Variants in SLC44A3 observed in about 807,000 individuals in gnomAD.
SLC44A3 encodes choline transporter-like protein 3.
Under a neutral mutation model 75.4 loss-of-function variants are expected in SLC44A3, and 74 were observed. The observed-to-expected ratio is 0.98, with a 90% CI of 0.81 to 1.19. SLC44A3 has a LOEUF of 1.19. Among genes scored for constraint, SLC44A3 ranks in the 50% most tolerant of loss-of-function variants. The pLI is 0.00. For missense variants in SLC44A3, 700 were observed against 778.6 expected, an observed-to-expected ratio of 0.90 and a Z score of 1.20; for synonymous variants, 310 against 296.9, an observed-to-expected ratio of 1.04 and a Z score of -0.45.
intron 10 of SLC44A3, among the ~76,000 whole-genome samples, chr1:94,862,621 G>C (rs1033998543): frequency 6.6e-6 from 1 of 152,194 alleles, no homozygotes; most frequent in African/African-American, 2.4e-5. Flanking sequence ...GAAGGGGGAA[G>C]CTGGGCTTCA....
intron 9 of SLC44A3, among the ~76,000 whole-genome samples, chr1:94,848,143 A>G (rs568450976): frequency 8.6e-5 from 13 of 151,576 alleles, no homozygotes; most frequent in South Asian, 4.2e-4. Flanking sequence ...GCAGGAGAAT[A>G]GCATGAACCC....
chr1:94,857,351 G>A lies in SLC44A3; in HGVS notation c.1089G>A (p.Met363Ile). 6.2e-7 allele frequency: 1 copy of A among 1,609,432 alleles called. No individual in the cohort carries two copies. The highest frequency in any genetic ancestry group is 1.7e-5 in the Admixed American group (1 of 58,928). ...SLGTAGAAQVMEGGQVEYKPL... is the reference protein window; with the variant it reads ...SLGTAGAAQVIEGGQVEYKPL... The stretch of plus-strand genomic sequence containing the variant: ...AAACTTTAGGAGCTGCCCAGGTTAT[G>A]GAAGGCGGCCAAGTGGAATATAAGC... The change falls in exon 10 of 15, where the codon ATG becomes ATA. Residue 363 changes from methionine (M) to isoleucine (I), a missense_variant. Met to Ile is a conservative substitution (Grantham distance 10). Coordinates refer to ENST00000271227, the MANE Select transcript of SLC44A3 (RefSeq NM_001114106.3).
At chr1:94,839,396 T>TC (rs1663270488) in intron 6 of SLC44A3, among the ~76,000 whole-genome samples, 1 of 152,166 alleles carries the variant, frequency 6.6e-6, no homozygotes, top group Non-Finnish European at 1.5e-5. Context: ...TTTCTTTCTT[T>TC]TTTTTTATTG....
At chr1:94,820,869 T>C in intron 1 of SLC44A3, 80 bp from the exon 2 acceptor site, 1 of 1,381,338 alleles carries the variant, frequency 7.2e-7, no homozygotes, top group Non-Finnish European at 9.8e-7. Flanking sequence ...TTGGCCCCTC[T>C]TCGAGTAGAT....
chr1:94,829,143 T>C (rs1257987485), intron 5 of SLC44A3, among the ~76,000 whole-genome samples: 1 of 151,998 alleles, frequency 6.6e-6, no homozygotes, highest in Admixed American at 6.6e-5. Flanking sequence ...ATTAGCCGGG[T>C]GTGGTGGTGC....
chr1:94,824,600 G>C lies in SLC44A3; in HGVS notation c.243G>C (p.Gly81=), dbSNP rs917399982. 6.2e-7 allele frequency: 1 copy of C among 1,607,812 alleles called. No individual in the cohort carries two copies. The highest frequency in any genetic ancestry group is 8.5e-7 in the Non-Finnish European group (1 of 1,178,026). The change falls in exon 3 of 15, where the codon GGG becomes GGC. Residue 81 remains glycine, a synonymous_variant. Coordinates refer to ENST00000271227, the MANE Select transcript of SLC44A3 (RefSeq NM_001114106.3). ...GCAAGAAGAACTCCCCCGTGGAAGGGGCCCCTCTTTCAGGGCAGGACATGA... is the reference window on the plus strand; with the variant it reads ...GCAAGAAGAACTCCCCCGTGGAAGGCGCCCCTCTTTCAGGGCAGGACATGA... ...MCGKKNSPVE[G]APLSGQDMTL...
chr1:94,827,707 A>G, intron 4 of SLC44A3, 64 bp downstream of exon 4: 1 of 1,570,228 alleles, frequency 6.4e-7, no homozygotes, highest in Admixed American at 1.7e-5. Context: ...GACCTAGATG[A>G]GATCATTTAC....
At chr1:94,840,453 C>T (rs533719438) in intron 7 of SLC44A3, among the ~76,000 whole-genome samples, 2 of 152,098 alleles carry the variant, frequency 1.3e-5, no homozygotes, top group African/African-American at 4.8e-5. Flanking sequence ...CTACACCCAG[C>T]TAATTTTTGT....
At chr1:94,883,217 T>C (rs1669187547) in intron 12 of SLC44A3, among the ~76,000 whole-genome samples, 1 of 151,800 alleles carries the variant, frequency 6.6e-6, no homozygotes. Flanking sequence ...AAACAAAGAC[T>C]AGGCCGGGTG....
chr1:94,847,753 T>G (rs1375671989), intron 9 of SLC44A3, among the ~76,000 whole-genome samples: 1 of 152,122 alleles, frequency 6.6e-6, no homozygotes, highest in Non-Finnish European at 1.5e-5. Flanking sequence ...CCGTGTGATG[T>G]GGGTATTGTT....
chr1:94,858,543 T>C (rs915721506), intron 10 of SLC44A3, among the ~76,000 whole-genome samples: 2 of 152,130 alleles, frequency 1.3e-5, no homozygotes, highest in Non-Finnish European at 2.9e-5. Flanking sequence ...TTACTCTTCA[T>C]AGGGCTGATC....
chr1:94,868,828 C>T (rs578254855), intron 12 of SLC44A3, among the ~76,000 whole-genome samples: 2 of 152,396 alleles, frequency 1.3e-5, no homozygotes, highest in South Asian at 2.1e-4. Flanking sequence ...TCCCCTCTCA[C>T]TGTACTACGG....
chr1:94,854,904 G>A (rs932226006), intron 9 of SLC44A3, among the ~76,000 whole-genome samples: 7 of 151,174 alleles, frequency 4.6e-5, no homozygotes, highest in African/African-American at 1.7e-4. Context: ...CAGCCCCAGC[G>A]AAGATCTGGT....
chr1:94,845,494 C>A (rs189374561), intron 9 of SLC44A3, 30 bp downstream of exon 9: 2 of 1,579,936 alleles, frequency 1.3e-6, no homozygotes, highest in East Asian at 2.2e-5. Flanking sequence ...GGTTCCATCA[C>A]CTTGGAGTCA....
Position 94,846,244 on chromosome 1 carries a change from C to T in SLC44A3, c.1072+780C>T, listed in dbSNP as rs142674196. On this transcript the variant is annotated intron_variant, in intron 9 of 14. Coordinates refer to ENST00000271227, the MANE Select transcript of SLC44A3 (RefSeq NM_001114106.3). ...CTTGGTCCTGAAAAGACAAGATTCT[C>T]TCCTCCATCCTTTTTTCATATCCAC... 3.1e-3 allele frequency among the ~76,000 whole-genome samples: 476 copies of T among 152,132 alleles called. 4 individuals are homozygous for T. The highest frequency in any genetic ancestry group is 0.011 in the African/African-American group (454 of 41,476).
rs1237460553 is a variant in SLC44A3, at chr1:94,857,377, C to A, written c.1115C>A (p.Pro372His). 1.9e-6 allele frequency: 3 copies of A among 1,612,526 alleles called. No homozygotes were observed. The highest frequency in any genetic ancestry group is 1.3e-5 in the African/African-American group (1 of 74,928). ...VMEGGQVEYKPLSGIRYMWSY... is the reference protein window; with the variant it reads ...VMEGGQVEYKHLSGIRYMWSY... The stretch of plus-strand genomic sequence containing the variant: ...GAAGGCGGCCAAGTGGAATATAAGC[C>A]CCTTTCGGGCATTCGGTACATGTGG... The change falls in exon 10 of 15, where the codon CCC becomes CAC. Residue 372 changes from proline to histidine, a missense_variant. Pro to His is a moderately conservative substitution (Grantham distance 77). Coordinates refer to ENST00000271227, the MANE Select transcript of SLC44A3 (RefSeq NM_001114106.3).
At chr1:94,874,138 G>C (rs1375434731) in intron 12 of SLC44A3, among the ~76,000 whole-genome samples, 1 of 152,222 alleles carries the variant, frequency 6.6e-6, no homozygotes, top group Admixed American at 6.5e-5. Flanking sequence ...CCCACACCCA[G>C]CTGTTGTGTG....
At chr1:94,846,146 C>A (rs372695292) in intron 9 of SLC44A3, among the ~76,000 whole-genome samples, 1,158 of 119,748 alleles carry the variant, frequency 9.7e-3, no homozygotes, top group Admixed American at 0.011. Context: ...GACTCTGTCT[C>A]AAAAAAAAAA....
intron 12 of SLC44A3, among the ~76,000 whole-genome samples, chr1:94,885,776 G>A (rs182474656): frequency 2.5e-4 from 38 of 152,340 alleles, no homozygotes; most frequent in Middle Eastern, 3.4e-3. Flanking sequence ...GAGTGAATGT[G>A]TTCGGGGAGA....
Sources: allele counts gnomAD v4.1 joint callset (sites outside exome capture counted in the v4.1 genomes callset), GRCh38; gene constraint gnomAD v4.1.1; transcripts MANE v1.5; gene names NCBI Gene and HGNC (gene_info 2026-07-23, HGNC 2026-07-21).